C1orf21: variants seen among roughly 807,000 people sequenced by gnomAD.
C1orf21 encodes the protein uncharacterized protein C1orf21.
In C1orf21, 3 loss-of-function variants were observed where a neutral mutation model predicts 18.7. The ratio of observed to expected loss-of-function variants is 0.16; its 90% CI spans 0.07 to 0.42. C1orf21 has a LOEUF of 0.42. Ranked by LOEUF, C1orf21 falls within the 10% of genes least tolerant of loss-of-function variation. The pLI is 0.99. For missense variants in C1orf21, 104 were observed against 143.6 expected (o/e 0.72, Z 1.41); for synonymous variants, 41 against 46.4 (o/e 0.88, Z 0.47).
chr1:184,417,751 A>G (rs1656477350), intron 1 of C1orf21, among the ~76,000 whole-genome samples: 1 of 152,204 alleles, frequency 6.6e-6, no homozygotes, highest in Non-Finnish European at 1.5e-5. Context: ...CGCTTTCTCT[A>G]GTCACTGAGC....
intron 3 of C1orf21, among the ~76,000 whole-genome samples, chr1:184,560,925 G>A (rs1170133340): frequency 6.6e-6 from 1 of 152,112 alleles, no homozygotes; most frequent in Non-Finnish European, 1.5e-5. Context: ...TAATTAGTAC[G>A]CCAGTTATCT....
At chr1:184,564,508 A>G (rs1014506363) in intron 3 of C1orf21, among the ~76,000 whole-genome samples, 1 of 152,042 alleles carries the variant, frequency 6.6e-6, no homozygotes, top group South Asian at 2.1e-4. Flanking sequence ...AGGTTTCACC[A>G]TGTTGGCCAG....
chr1:184,598,965 A>G (rs568339659), intron 5 of C1orf21, among the ~76,000 whole-genome samples: 1 of 152,182 alleles, frequency 6.6e-6, no homozygotes, highest in Non-Finnish European at 1.5e-5. Context: ...TGAGTAATTT[A>G]CCCAGATTTG....
chr1:184,576,131 CTTTTTTT>C (rs200624324), intron 3 of C1orf21, among the ~76,000 whole-genome samples: 1 of 144,536 alleles, frequency 6.9e-6, no homozygotes, highest in Non-Finnish European at 1.5e-5. Context: ...CTTTTTTTTT[CTTTTTTT>C]TTTTGGCATA....
At chr1:184,484,258 C>T (rs898718546) in intron 2 of C1orf21, among the ~76,000 whole-genome samples, 1 of 152,142 alleles carries the variant, frequency 6.6e-6, no homozygotes, top group African/African-American at 2.4e-5. Context: ...CTTCAGTCAA[C>T]TGAGCAAGGC....
chr1:184,434,591 G>C (rs560789234), intron 1 of C1orf21, among the ~76,000 whole-genome samples: 4 of 152,322 alleles, frequency 2.6e-5, no homozygotes, highest in Non-Finnish European at 4.4e-5. Flanking sequence ...ATGGTACAGT[G>C]CTGGGGTAGA....
Position 184,624,758 on chromosome 1 carries a change from T to G in C1orf21, c.*5202T>G, listed in dbSNP as rs1659978808. 6.6e-6 allele frequency: 1 copy of G among 152,242 alleles called. No homozygotes were observed. Among genetic ancestry groups the G allele is most frequent in the East Asian group, 1.9e-4 (1 of 5,204 alleles). The allele number at this position is 152,242 out of a possible 1,614,324, so 9.4% of individuals were successfully genotyped here. A position where few individuals can be genotyped will look rare whatever the true frequency, so the allele number is the denominator to read the frequency against. On this transcript the variant is annotated 3_prime_UTR_variant, in exon 6 of 6. Coordinates refer to ENST00000235307, the MANE Select transcript of C1orf21 (RefSeq NM_030806.4). Reference sequence around the variant, plus strand: ...TTAGATAGTCATGTAATGACTTGGATAGACATTTAAATAACTTGTTCCAAG... The same window carrying G: ...TTAGATAGTCATGTAATGACTTGGAGAGACATTTAAATAACTTGTTCCAAG...
intron 5 of C1orf21, among the ~76,000 whole-genome samples, chr1:184,604,136 C>T (rs1457104028): frequency 6.6e-6 from 1 of 152,182 alleles, no homozygotes; most frequent in Non-Finnish European, 1.5e-5. Flanking sequence ...TTTCTGTAGT[C>T]TATTAAACCT....
intron 2 of C1orf21, among the ~76,000 whole-genome samples, chr1:184,491,364 A>G (rs1011459165): frequency 3.4e-5 from 5 of 147,750 alleles, no homozygotes; most frequent in African/African-American, 5.0e-5. Context: ...TTTTTTTTTG[A>G]AACAGGTTCT....
intron 1 of C1orf21, among the ~76,000 whole-genome samples, chr1:184,438,051 T>A (rs1656885830): frequency 6.6e-6 from 1 of 152,156 alleles, no homozygotes; most frequent in Non-Finnish European, 1.5e-5. Flanking sequence ...GCTTTGCTTT[T>A]CTCACCCACC....
chr1:184,416,100 G>A (rs926480324), intron 1 of C1orf21, among the ~76,000 whole-genome samples: 2 of 152,152 alleles, frequency 1.3e-5, no homozygotes, highest in African/African-American at 4.8e-5. Flanking sequence ...TTCCTAAAGA[G>A]ATGATTTATT....
At chr1:184,516,683 A>G (rs1658234773) in intron 3 of C1orf21, among the ~76,000 whole-genome samples, 1 of 152,206 alleles carries the variant, frequency 6.6e-6, no homozygotes, top group Non-Finnish European at 1.5e-5. Flanking sequence ...AGATCTTGTG[A>G]GACTTATTCA....
intron 1 of C1orf21, among the ~76,000 whole-genome samples, chr1:184,411,510 C>T (rs1442775184): frequency 2.7e-5 from 4 of 150,444 alleles, no homozygotes; most frequent in African/African-American, 4.9e-5. Context: ...CAAGCTCCGC[C>T]TCCCGGGTTC....
intron 2 of C1orf21, among the ~76,000 whole-genome samples, chr1:184,489,387 C>CA (rs199964507): frequency 6.6e-6 from 1 of 151,988 alleles, no homozygotes; most frequent in Admixed American, 6.6e-5. Context: ...AACAAACCAG[C>CA]AAAAAAACCC....
intron 1 of C1orf21, among the ~76,000 whole-genome samples, chr1:184,427,688 A>G (rs1280203208): frequency 6.6e-6 from 1 of 152,034 alleles, no homozygotes; most frequent in Non-Finnish European, 1.5e-5. Context: ...TGATCTAGTG[A>G]CCCTCCAGCT....
At chr1:184,601,762 G>T (rs1659588106) in intron 5 of C1orf21, among the ~76,000 whole-genome samples, 3 of 152,058 alleles carry the variant, frequency 2.0e-5, no homozygotes, top group Admixed American at 1.3e-4. Context: ...TTAGCCGGGC[G>T]TGGTGGCACA....
chr1:184,598,360 A>G (rs1659545179), intron 4 of C1orf21, 41 bp from the exon 5 acceptor site: 4 of 1,590,456 alleles, frequency 2.5e-6, no homozygotes, highest in Non-Finnish European at 3.4e-6. Context: ...CAGGTTTAGC[A>G]AAGCACTAAA....
chr1:184,519,809 C>T (rs555746367), intron 3 of C1orf21, among the ~76,000 whole-genome samples: 82 of 152,230 alleles, frequency 5.4e-4, no homozygotes, highest in South Asian at 4.6e-3. Context: ...GTCTCGGCTC[C>T]GGTAAGCATC....
At position 184,438,454 on chromosome 1, in the gene C1orf21, G is replaced by C. The variant is rs141422402; in HGVS notation, c.-124-38932G>C. On this transcript the variant is annotated intron_variant, in intron 1 of 5. Coordinates refer to ENST00000235307, the MANE Select transcript of C1orf21 (RefSeq NM_030806.4). ...GAAGGACAGACTGGCTCCTCTCACT[G>C]TTCAGCCCCCTCAAGTTCCATAGTG... 1.1e-4 allele frequency among the ~76,000 whole-genome samples: 16 copies of C among 152,262 alleles called. No individual in the cohort carries two copies. The East Asian group carries it at 2.9e-3, about 28-fold the overall frequency.
Sources: gnomAD v4.1 joint callset for allele counts (sites outside exome capture counted in the v4.1 genomes callset) on GRCh38, gnomAD v4.1.1 for gene constraint, MANE v1.5 for transcripts, NCBI Gene and HGNC (gene_info 2026-07-23, HGNC 2026-07-21) for gene names.